Variants in PACRG observed in about 807,000 individuals in gnomAD.
PACRG encodes parkin coregulated gene protein.
PACRG carries 29 observed loss-of-function variants against 29.7 expected under a neutral mutation model. The ratio of observed to expected loss-of-function variants is 0.98; its 90% CI spans 0.73 to 1.33. The LOEUF (loss-of-function observed/expected upper bound fraction) is 1.33. Among genes scored for constraint, PACRG ranks in the 40% most tolerant of loss-of-function variants. The probability of loss-of-function intolerance (pLI) is 0.00; values close to 1 mark genes in which losing one functional copy is unlikely to be tolerated. For synonymous variants in PACRG, 116 were observed against 118.7 expected, an observed-to-expected ratio of 0.98 and a Z score of 0.15; for missense variants, 279 against 316.2, an observed-to-expected ratio of 0.88 and a Z score of 0.89.
At chr6:162,763,363 G>A (rs183540043) in intron 1 of PACRG, among the ~76,000 whole-genome samples, 4 of 152,262 alleles carry the variant, frequency 2.6e-5, no homozygotes, top group South Asian at 4.1e-4. Flanking sequence ...CTGTCACAAC[G>A]CTGACAAGGC....
intron 3 of PACRG, among the ~76,000 whole-genome samples, chr6:163,078,371 C>T (rs947522923): frequency 6.6e-6 from 1 of 151,960 alleles, no homozygotes; most frequent in Admixed American, 6.6e-5. Context: ...GGCATGGTGG[C>T]GGGTGCCTGT....
At chr6:162,942,128 C>T (rs893622462) in intron 2 of PACRG, among the ~76,000 whole-genome samples, 3 of 152,174 alleles carry the variant, frequency 2.0e-5, no homozygotes, top group Admixed American at 1.3e-4. Context: ...TCTAACCTTT[C>T]GCACCAAAAG....
At chr6:163,118,389 G>A (rs1033661054) in intron 4 of PACRG, among the ~76,000 whole-genome samples, 4 of 152,318 alleles carry the variant, frequency 2.6e-5, no homozygotes, top group Admixed American at 6.5e-5. Context: ...CAGGGCATGT[G>A]GAAGGGAAGG....
upstream of PACRG, chr6:162,727,384 G>C (rs1013608415): frequency 1.7e-5 from 8 of 469,856 alleles, no homozygotes; most frequent in Admixed American, 8.4e-5. Context: ...AACGAGGAGC[G>C]GGGGTGCGGG....
intron 4 of PACRG, among the ~76,000 whole-genome samples, chr6:163,180,396 T>A (rs565322541): frequency 6.6e-6 from 1 of 152,342 alleles, no homozygotes; most frequent in East Asian, 1.9e-4. Flanking sequence ...GTGCACTGAA[T>A]GAGTTTGCAT....
At chr6:162,908,542 A>C (rs569921963) in intron 2 of PACRG, among the ~76,000 whole-genome samples, 20 of 152,364 alleles carry the variant, frequency 1.3e-4, no homozygotes, top group Middle Eastern at 3.4e-3. Flanking sequence ...CTGCAGCTGA[A>C]GACCCACATT....
At chr6:162,880,773 C>T (rs1793766718) in intron 2 of PACRG, among the ~76,000 whole-genome samples, 1 of 152,184 alleles carries the variant, frequency 6.6e-6, no homozygotes. Flanking sequence ...ATTGCACCTA[C>T]CTGAAATCAT....
At chr6:162,779,777 T>C (rs1189302103) in intron 1 of PACRG, among the ~76,000 whole-genome samples, 1 of 152,178 alleles carries the variant, frequency 6.6e-6, no homozygotes, top group African/African-American at 2.4e-5. Context: ...CTAATCAAGA[T>C]GGAACAGCAG....
In PACRG at chr6:162,728,482, C is replaced by G. The variant is rs1779458372; in HGVS notation, c.156+91C>G. On this transcript the variant is annotated intron_variant, in intron 1 of 4. Coordinates refer to ENST00000366888, the MANE Select transcript of PACRG (RefSeq NM_001080379.2). ...GGCCAGCCTTAGGATGGACTCTGAG[C>G]CATGTCCTGGGTGGTCTTTGCCAAA... 3 of 1,483,658 alleles carry G rather than the reference C, an allele frequency of 2.0e-6. No individual in the cohort carries two copies. The African/African-American group carries it at 4.2e-5, about 21-fold the overall frequency. 91.9% of individuals were successfully genotyped at this position (1,483,658 alleles called of 1,614,324 possible).
intron 2 of PACRG, among the ~76,000 whole-genome samples, chr6:162,958,340 G>C (rs1800226357): frequency 6.6e-6 from 1 of 152,060 alleles, no homozygotes; most frequent in Admixed American, 6.6e-5. Context: ...AAATAGCTCA[G>C]ATAAGGATTT....
At chr6:163,211,963 G>A (rs1585336941) in intron 4 of PACRG, among the ~76,000 whole-genome samples, 2 of 152,268 alleles carry the variant, frequency 1.3e-5, no homozygotes, top group Non-Finnish European at 2.9e-5. Flanking sequence ...CAGGGCCTAA[G>A]AAGAGTGAGG....
chr6:162,837,279 C>A (rs1057226485), intron 2 of PACRG, among the ~76,000 whole-genome samples: 4 of 152,034 alleles, frequency 2.6e-5, no homozygotes, highest in Admixed American at 6.6e-5. Flanking sequence ...TAAAGAACAC[C>A]GAGTATATAT....
chr6:162,729,548 G>C (rs550215495), intron 1 of PACRG, among the ~76,000 whole-genome samples: 1 of 152,220 alleles, frequency 6.6e-6, no homozygotes, highest in South Asian at 2.1e-4. Context: ...CTAAAATTCT[G>C]CTTGTTGTAA....
chr6:162,947,367 C>A lies in PACRG; in HGVS notation c.292-114783C>A, dbSNP rs372303562. ...AATGATTACATATATATAATGTAAT[C>A]ATATATAATCATATATATAATCATA... On this transcript the variant is annotated intron_variant, in intron 2 of 4. Coordinates refer to ENST00000366888, the MANE Select transcript of PACRG (RefSeq NM_001080379.2). Among the ~76,000 whole-genome samples the A allele has an allele frequency of 1.7e-4, 7 of 41,854 alleles. 1 individual carries two copies. The highest frequency in any genetic ancestry group is 3.3e-4 in the Admixed American group (1 of 3,002). The allele number at this position is 41,854 out of a possible 152,430, so 27.5% of individuals were successfully genotyped here. A position where few individuals can be genotyped will look rare whatever the true frequency, so the allele number is the denominator to read the frequency against.
intron 2 of PACRG, among the ~76,000 whole-genome samples, chr6:162,944,417 T>C (rs1012964319): frequency 3.9e-5 from 6 of 152,128 alleles, no homozygotes; most frequent in African/African-American, 1.4e-4. Flanking sequence ...CATAAAAAAG[T>C]GGGGAACTAT....
chr6:162,874,924 TACAC>T (rs751883982), intron 2 of PACRG, among the ~76,000 whole-genome samples: 1 of 151,852 alleles, frequency 6.6e-6, no homozygotes, highest in Non-Finnish European at 1.5e-5. Context: ...CACATTCATA[TACAC>T]ACACACATAC....
intron 1 of PACRG, among the ~76,000 whole-genome samples, chr6:162,765,977 C>T (rs73601961): frequency 0.043 from 6,568 of 152,044 alleles, 475 homozygotes; most frequent in African/African-American, 0.15. Context: ...TTACAGAGTA[C>T]AATGTCATGT....
At chr6:162,916,396 T>G (rs1471655120) in intron 2 of PACRG, among the ~76,000 whole-genome samples, 1 of 152,188 alleles carries the variant, frequency 6.6e-6, no homozygotes, top group East Asian at 1.9e-4. Flanking sequence ...GTGTGATATG[T>G]TGAGATTCTA....
At chr6:163,260,972 G>GCATTGAAATGGCTC (rs1554236439) in intron 4 of PACRG, among the ~76,000 whole-genome samples, 1 of 151,616 alleles carries the variant, frequency 6.6e-6, no homozygotes, top group African/African-American at 2.4e-5. Context: ...TCTAAATAAT[G>GCATTGAAATGGCTC]CATTGTCATC....
Sources: allele counts gnomAD v4.1 joint callset (sites outside exome capture counted in the v4.1 genomes callset), GRCh38; gene constraint gnomAD v4.1.1; transcripts MANE v1.5; gene names NCBI Gene and HGNC (gene_info 2026-07-23, HGNC 2026-07-21).